DDX10: variants seen among roughly 807,000 people sequenced by gnomAD.
DDX10 encodes probable ATP-dependent RNA helicase DDX10.
A neutral mutation model predicts 104.3 loss-of-function variants in DDX10; 74 were observed. The ratio of observed to expected loss-of-function variants is 0.71; its 90% CI spans 0.59 to 0.86. The LOEUF (loss-of-function observed/expected upper bound fraction) is 0.86. Among genes scored for constraint, DDX10 ranks in the 40% least tolerant of loss-of-function variants. The probability of loss-of-function intolerance (pLI) is 0.00; values close to 1 mark genes in which losing one functional copy is unlikely to be tolerated. For synonymous variants in DDX10, 351 were observed against 353.4 expected, an observed-to-expected ratio of 0.99 and a Z score of 0.08; for missense variants, 952 against 1,040.0, an observed-to-expected ratio of 0.92 and a Z score of 1.16.
intron 16 of DDX10, among the ~76,000 whole-genome samples, chr11:108,897,668 G>A (rs958312268): frequency 1.9e-4 from 29 of 151,658 alleles, no homozygotes; most frequent in African/African-American, 5.8e-4. Flanking sequence ...TTTTAACTTT[G>A]TTTTAAATCT....
intron 16 of DDX10, among the ~76,000 whole-genome samples, chr11:108,908,828 T>C (rs1863630680): frequency 6.6e-6 from 1 of 152,246 alleles, no homozygotes; most frequent in African/African-American, 2.4e-5. Context: ...GTACTCTAAG[T>C]GCTTTACCTA....
At chr11:108,739,150 C>T (rs921069953) in intron 13 of DDX10, among the ~76,000 whole-genome samples, 4 of 152,176 alleles carry the variant, frequency 2.6e-5, no homozygotes, top group Admixed American at 2.0e-4. Context: ...GTTGCTGACA[C>T]AAGATGTACA....
chr11:108,842,400 G>A (rs2134596846), intron 15 of DDX10, among the ~76,000 whole-genome samples: 1 of 152,322 alleles, frequency 6.6e-6, no homozygotes, highest in Non-Finnish European at 1.5e-5. Context: ...ACCTTTGGAT[G>A]TGAACATTGT....
chr11:108,843,540 A>G (rs1862670530), intron 15 of DDX10, among the ~76,000 whole-genome samples: 1 of 152,030 alleles, frequency 6.6e-6, no homozygotes, highest in South Asian at 2.1e-4. Context: ...TGAGTGGATC[A>G]CGAGGTCAGG....
intron 13 of DDX10, among the ~76,000 whole-genome samples, chr11:108,806,305 A>G (rs1862099872): frequency 6.6e-6 from 1 of 152,172 alleles, no homozygotes; most frequent in Admixed American, 6.5e-5. Flanking sequence ...AAAAAGTGGG[A>G]TGGAAGGGGC....
chr11:108,849,152 G>C (rs1292962783), intron 15 of DDX10, among the ~76,000 whole-genome samples: 1 of 152,060 alleles, frequency 6.6e-6, no homozygotes, highest in Non-Finnish European at 1.5e-5. Flanking sequence ...CTGGAATTTT[G>C]TTCTTGGAGG....
At chr11:108,745,384 G>T (rs2134500007) in intron 13 of DDX10, among the ~76,000 whole-genome samples, 1 of 151,690 alleles carries the variant, frequency 6.6e-6, no homozygotes, top group South Asian at 2.1e-4. Flanking sequence ...GGGACTATAG[G>T]TGCTTGCCAC....
rs758576583 is a variant in DDX10 at position 108,852,163 on chromosome 11, T to A, written c.2258T>A (p.Leu753Gln). The change falls in exon 16 of 18, where the codon CTG becomes CAG. Residue 753 changes from leucine (L) to glutamine (Q), a missense_variant. Physicochemically the swap from Leu to Gln is moderately radical, Grantham distance 113 (BLOSUM62 -2). Around this residue, in one of 3 missense-constraint regions of DDX10, gnomAD observed 533 missense variants for 534.1 expected, o/e 1.00. Coordinates refer to ENST00000322536, the MANE Select transcript of DDX10 (RefSeq NM_004398.4). ...CTTCCTTGTCTCCAGGAGAAAAGACTGAAAGAAAGGGAAGCCAGAAGAGAA... is the reference window on the plus strand; with the variant it reads ...CTTCCTTGTCTCCAGGAGAAAAGACAGAAAGAAAGGGAAGCCAGAAGAGAA... Reference protein sequence around the residue: ...KIKAKHREKRLKEREARREAN... With the variant: ...KIKAKHREKRQKEREARREAN... 6.2e-7 allele frequency: 1 copy of A among 1,610,694 alleles called. No individual in the cohort carries two copies. Among genetic ancestry groups the A allele is most frequent in the East Asian group, 2.2e-5 (1 of 44,756 alleles).
chr11:108,912,855 CTCACA>C (rs1863698165), intron 16 of DDX10, among the ~76,000 whole-genome samples: 1 of 152,166 alleles, frequency 6.6e-6, no homozygotes, highest in African/African-American at 2.4e-5. Flanking sequence ...CTACCTCCAC[CTCACA>C]TGTCAATTGT....
At chr11:108,849,063 G>T (rs889884981) in intron 15 of DDX10, among the ~76,000 whole-genome samples, 1 of 151,984 alleles carries the variant, frequency 6.6e-6, no homozygotes, top group Non-Finnish European at 1.5e-5. Context: ...TTTTAATGTC[G>T]TTCAAGCAAA....
At chr11:108,665,714 C>T (rs777765006) in intron 1 of DDX10, among the ~76,000 whole-genome samples, 8 of 151,978 alleles carry the variant, frequency 5.3e-5, no homozygotes, top group Non-Finnish European at 1.0e-4. Context: ...TATTAATAAT[C>T]CTATTTAACA....
intron 6 of DDX10, among the ~76,000 whole-genome samples, chr11:108,687,667 A>G (rs774652470): frequency 2.0e-5 from 3 of 152,090 alleles, no homozygotes; most frequent in Non-Finnish European, 4.4e-5. Context: ...TTGTTTGTAT[A>G]TTTTGGAGAA....
At chr11:108,914,830 A>G (rs1185287391) in intron 16 of DDX10, among the ~76,000 whole-genome samples, 1 of 25,114 alleles carries the variant, frequency 4.0e-5, no homozygotes, top group Non-Finnish European at 7.4e-5. Flanking sequence ...GGAAATGGTA[A>G]CCATTAAAAA....
chr11:108,755,832 A>T (rs554394747), intron 13 of DDX10, among the ~76,000 whole-genome samples: 1 of 152,170 alleles, frequency 6.6e-6, no homozygotes, highest in East Asian at 1.9e-4. Context: ...TAAGACTAAT[A>T]ATAGTACTAG....
intron 15 of DDX10, among the ~76,000 whole-genome samples, chr11:108,849,619 A>G (rs1471580604): frequency 6.6e-6 from 1 of 152,086 alleles, no homozygotes; most frequent in Non-Finnish European, 1.5e-5. Flanking sequence ...TTCATTATTG[A>G]ATTTCGTGCT....
At position 108,695,013 on chromosome 11, in the gene DDX10, C is replaced by G. The variant is rs191638467; in HGVS notation, c.1223+1413C>G. Among the ~76,000 whole-genome samples the G allele has an allele frequency of 3.5e-4, 53 of 152,042 alleles. No individual in the cohort carries two copies. In the East Asian group the frequency reaches 8.5e-3, roughly 24 times the overall value. ...TGTCATTGCTGTTAAGCTGTAGCAGCAAAGCTGGGAGGTATACATTCTTGG... is the reference window on the plus strand; with the variant it reads ...TGTCATTGCTGTTAAGCTGTAGCAGGAAAGCTGGGAGGTATACATTCTTGG... On this transcript the variant is annotated intron_variant, in intron 9 of 17. Transcript: ENST00000322536.
At chr11:108,820,596 C>T (rs576072967) in intron 13 of DDX10, among the ~76,000 whole-genome samples, 1 of 152,170 alleles carries the variant, frequency 6.6e-6, no homozygotes, top group African/African-American at 2.4e-5. Flanking sequence ...TGGATGCCTG[C>T]AGTCATCTGA....
chr11:108,837,605 A>AG (rs1862572304), intron 13 of DDX10, among the ~76,000 whole-genome samples: 2 of 77,016 alleles, frequency 2.6e-5, no homozygotes, highest in Non-Finnish European at 4.7e-5. Context: ...CTTTGGATAC[A>AG]GCTTTTTTTT....
intron 10 of DDX10, among the ~76,000 whole-genome samples, chr11:108,709,569 A>G (rs969137631): frequency 6.6e-6 from 1 of 152,342 alleles, no homozygotes; most frequent in Non-Finnish European, 1.5e-5. Context: ...ATATGTGGGC[A>G]TAGAGGTGTT....
Sources: allele counts gnomAD v4.1 joint callset (sites outside exome capture counted in the v4.1 genomes callset), GRCh38; gene constraint gnomAD v4.1.1; regional missense constraint gnomAD v4.1.1; transcripts MANE v1.5; gene names NCBI Gene and HGNC (gene_info 2026-07-23, HGNC 2026-07-21).